DNAH10: variants seen among roughly 807,000 people sequenced by gnomAD.
DNAH10 encodes dynein axonemal heavy chain 10.
DNAH10 carries 348 observed loss-of-function variants against 506.6 expected under a neutral mutation model. The observed-to-expected ratio is 0.69, with a 90% CI of 0.63 to 0.75. The LOEUF is 0.75. Ranked by LOEUF, DNAH10 falls within the 30% of genes least tolerant of loss-of-function variation. The pLI is 0.00. For synonymous variants in DNAH10, 2,059 were observed against 2,198.6 expected, an observed-to-expected ratio of 0.94 and a Z score of 1.78; for missense variants, 5,179 against 5,787.1, an observed-to-expected ratio of 0.89 and a Z score of 3.41.
At chr12:123,834,761 C>T (rs1002837261) in intron 27 of DNAH10, among the ~76,000 whole-genome samples, 8 of 152,162 alleles carry the variant, frequency 5.3e-5, no homozygotes, top group African/African-American at 1.4e-4. Flanking sequence ...TTCATATAAG[C>T]GGAATGACAC....
chr12:123,778,315 A>G (rs1957518647), intron 5 of DNAH10, among the ~76,000 whole-genome samples: 1 of 152,232 alleles, frequency 6.6e-6, no homozygotes, highest in African/African-American at 2.4e-5. Flanking sequence ...CACAGGGCTC[A>G]ACTTGAAGAG....
chr12:123,935,286 C>T (rs1408131429), intron 78 of DNAH10, 49 bp from the exon 79 acceptor site: 1 of 1,586,192 alleles, frequency 6.3e-7, no homozygotes, highest in African/African-American at 1.4e-5. Flanking sequence ...GCCTTTATCC[C>T]TCTGCACCCT....
chr12:123,851,106 C>A, intron 35 of DNAH10, 30 bp downstream of exon 35: 2 of 1,570,306 alleles, frequency 1.3e-6, no homozygotes, highest in South Asian at 1.2e-5. Flanking sequence ...CCAGGTCGTG[C>A]AGTGCAGACT....
At chr12:123,815,132 T>C (rs1959101113) in intron 21 of DNAH10, among the ~76,000 whole-genome samples, 1 of 152,188 alleles carries the variant, frequency 6.6e-6, no homozygotes, top group Middle Eastern at 3.2e-3. Flanking sequence ...TCTGCACAAA[T>C]GGACATCCTG....
intron 1 of DNAH10, among the ~76,000 whole-genome samples, chr12:123,766,026 A>G (rs1051707263): frequency 2.6e-5 from 4 of 151,820 alleles, no homozygotes; most frequent in African/African-American, 7.3e-5. Context: ...CTACCTATAC[A>G]TCTATCTCTG....
rs758732620 is a variant in DNAH10 at position 123,902,930 on chromosome 12, A to G, written c.9641-9A>G. On this transcript the variant is annotated splice_polypyrimidine_tract_variant and intron_variant, in intron 56 of 78. Transcript: ENST00000673944. The surrounding 1 kb of genome is among the most constrained non-coding windows in gnomAD (Gnocchi z 4.5). ...CCAAGCTTTACTCACCCCCTGTCCTACCCTGCAGCCGAGGAGAAGAAGAAA... is the reference window on the plus strand; with the variant it reads ...CCAAGCTTTACTCACCCCCTGTCCTGCCCTGCAGCCGAGGAGAAGAAGAAA... 8 of 1,574,742 alleles carry G rather than the reference A, an allele frequency of 5.1e-6. No individual in the cohort carries two copies. The East Asian group carries it at 1.6e-4, about 32-fold the overall frequency.
At chr12:123,901,669 T>G (rs1408189726) in intron 56 of DNAH10, among the ~76,000 whole-genome samples, 1 of 152,158 alleles carries the variant, frequency 6.6e-6, no homozygotes, top group Non-Finnish European at 1.5e-5. Flanking sequence ...ATTAATTAAT[T>G]TATTTTTTTG....
At chr12:123,805,742 T>C (rs2136301598) in intron 18 of DNAH10, among the ~76,000 whole-genome samples, 1 of 152,148 alleles carries the variant, frequency 6.6e-6, no homozygotes, top group East Asian at 1.9e-4. Context: ...GTTCCTTCTT[T>C]GACCCCAGCC....
chr12:123,898,688 C>T lies in DNAH10; in HGVS notation c.9514C>T (p.Leu3172=). ...GCGTCTGGATGGGGGACTGGACAAGCTGAAGGAGGCCACCATCCAGCTGGA... is the reference window on the plus strand; with the variant it reads ...GCGTCTGGATGGGGGACTGGACAAGTTGAAGGAGGCCACCATCCAGCTGGA... ...CKRLDGGLDK[L]KEATIQLDEL... Residue 3172 remains leucine (L), a synonymous_variant, in exon 56 of 79, where the codon CTG becomes TTG. Transcript: ENST00000673944. The T allele has an allele frequency of 1.9e-6, 3 of 1,597,440 alleles. No homozygotes were observed. Among genetic ancestry groups the T allele is most frequent in the Non-Finnish European group, 2.6e-6 (3 of 1,172,332 alleles).
chr12:123,807,903 A>G, intron 18 of DNAH10, among the ~76,000 whole-genome samples: 3 of 82,396 alleles, frequency 3.6e-5, no homozygotes, highest in Admixed American at 1.5e-4. Flanking sequence ...GTGAAGAGAG[A>G]GGGGAGAGAG....
intron 12 of DNAH10, among the ~76,000 whole-genome samples, chr12:123,796,441 C>T (rs899685570): frequency 4.0e-5 from 6 of 150,326 alleles, no homozygotes; most frequent in South Asian, 2.1e-4. Flanking sequence ...TGGGCAACAG[C>T]GCAAGACTCT....
At chr12:123,784,685 C>T (rs1037781537) in intron 8 of DNAH10, among the ~76,000 whole-genome samples, 1 of 152,196 alleles carries the variant, frequency 6.6e-6, no homozygotes, top group African/African-American at 2.4e-5. Context: ...ATTTCCAAAA[C>T]AGTTTCATCT....
At position 123,913,884 on chromosome 12, in the gene DNAH10, T is replaced by C. The variant is rs1184843973; in HGVS notation, c.10353-445T>C. On this transcript the variant is annotated intron_variant, in intron 60 of 78. Coordinates refer to ENST00000673944, the MANE Select transcript of DNAH10 (RefSeq NM_001372106.1). The surrounding 1 kb of genome is among the most constrained non-coding windows in gnomAD (Gnocchi z 5.1). The stretch of plus-strand genomic sequence containing the variant: ...TGCGTGTGGGAAACAATTTTCAGTA[T>C]TTCTTAAACCTAAGTCTTGGGGCAT... Among the ~76,000 whole-genome samples, 2 of 152,232 alleles carry C rather than the reference T, an allele frequency of 1.3e-5. No homozygotes were observed. The highest frequency in any genetic ancestry group is 2.9e-5 in the Non-Finnish European group (2 of 68,040).
intron 51 of DNAH10, among the ~76,000 whole-genome samples, chr12:123,886,670 A>T (rs574701910): frequency 6.6e-6 from 1 of 152,236 alleles, no homozygotes; most frequent in South Asian, 2.1e-4. Flanking sequence ...CAGTTCCTGG[A>T]AATCTGCCAT....
intron 38 of DNAH10, among the ~76,000 whole-genome samples, chr12:123,860,461 A>C (rs148149304): frequency 6.6e-6 from 1 of 152,220 alleles, no homozygotes; most frequent in African/African-American, 2.4e-5. Context: ...TGAACTGTGG[A>C]GTGTGTGAAG....
In DNAH10 at chr12:123,903,345, C is replaced by A. The variant is rs181192841; in HGVS notation, c.9815+232C>A. ...TCCAGATCCCCCAGCTAGTAGGAAG[C>A]AGGGCCTGCTGACCTTGAACCCAGG... On this transcript the variant is annotated intron_variant, in intron 57 of 78. Coordinates refer to ENST00000673944, the MANE Select transcript of DNAH10 (RefSeq NM_001372106.1). The surrounding 1 kb of genome is among the most constrained non-coding windows in gnomAD (Gnocchi z 4.6). Among the ~76,000 whole-genome samples the A allele has an allele frequency of 1.3e-5, 2 of 152,256 alleles. No homozygotes were observed. Among genetic ancestry groups the A allele is most frequent in the African/African-American group, 4.8e-5 (2 of 41,552 alleles).
chr12:123,871,575 C>G lies in DNAH10; in HGVS notation c.7758C>G (p.Phe2586Leu). The change falls in exon 45 of 79, where the codon TTC becomes TTG. Residue 2586 changes from phenylalanine to leucine, a missense_variant. Phe to Leu is a conservative substitution (Grantham distance 22). Coordinates refer to ENST00000673944, the MANE Select transcript of DNAH10 (RefSeq NM_001372106.1). The stretch of plus-strand genomic sequence containing the variant: ...CTAAGACAGCCACTACCCAGAATTT[C>G]CTCAAAAATCTGAGTGAAGAAACTA... ...GTSKTATTQN[F>L]LKNLSEETNI... The G allele has an allele frequency of 2.6e-6, 4 of 1,551,174 alleles. No individual in the cohort carries two copies. The highest frequency in any genetic ancestry group is 3.5e-6 in the Non-Finnish European group (4 of 1,147,066).
intron 4 of DNAH10, among the ~76,000 whole-genome samples, 153 bp downstream of exon 4, chr12:123,773,095 T>C (rs921426453): frequency 3.3e-5 from 5 of 152,242 alleles, no homozygotes; most frequent in African/African-American, 1.2e-4. Context: ...TTACGTAGTC[T>C]TCTCAAAGCT....
chr12:123,831,809 G>A (rs912284838), intron 26 of DNAH10, among the ~76,000 whole-genome samples: 18 of 151,952 alleles, frequency 1.2e-4, no homozygotes, highest in Non-Finnish European at 2.2e-4. Context: ...GGGAGGCTGA[G>A]GCAGGAGAAT....
Sources: gnomAD v4.1 joint callset for allele counts (sites outside exome capture counted in the v4.1 genomes callset) on GRCh38, gnomAD v4.1.1 for gene constraint, Gnocchi (gnomAD v3.1) non-coding constraint, MANE v1.5 for transcripts, NCBI Gene and HGNC (gene_info 2026-07-23, HGNC 2026-07-21) for gene names.